ATXN1: variants seen among roughly 807,000 people sequenced by gnomAD.
The protein encoded by ATXN1 is ataxin 1.
A neutral mutation model predicts 56.4 loss-of-function variants in ATXN1; 8 were observed. The observed-to-expected ratio is 0.14, with a 90% confidence interval of 0.08 to 0.26. ATXN1 has a LOEUF of 0.26. ATXN1 is among the 10% of genes least tolerant of loss of function. ATXN1 has a pLI of 1.00. For missense variants in ATXN1, 987 were observed against 1,106.5 expected (o/e 0.89, Z 1.53); for synonymous variants, 514 against 494.6 (o/e 1.04, Z -0.52).
At chr6:16,543,327 G>A (rs1192090450) in intron 4 of ATXN1, among the ~76,000 whole-genome samples, 2 of 152,142 alleles carry the variant, frequency 1.3e-5, no homozygotes, top group Non-Finnish European at 2.9e-5. Context: ...AAAACTGATA[G>A]AAGTTTACAG....
At chr6:16,626,401 C>A (rs1487500303) in intron 3 of ATXN1, among the ~76,000 whole-genome samples, 1 of 152,154 alleles carries the variant, frequency 6.6e-6, no homozygotes, top group South Asian at 2.1e-4. Context: ...AAGTGATTCT[C>A]CTGCCTCAGC....
At position 16,326,588 on chromosome 6, in the gene ATXN1, T is replaced by C; in HGVS notation, c.1723A>G (p.Met575Val). Residue 575 changes from methionine to valine, a missense_variant, in exon 7 of 8, where the codon ATG (methionine) becomes GTG (valine). By Grantham distance (21) the Met-to-Val change is conservative. Transcript: ENST00000436367. The surrounding 1 kb of genome is among the most constrained non-coding windows in gnomAD (Gnocchi z 6.6). ...GCCAACTGGATGATGGAGCCTTTCA[T>C]GAAGTAGGGAGGCAGCGTAGGGGGA... ...AAPPTLPPYF[M>V]KGSIIQLANG... The C allele has an allele frequency of 1.9e-6, 3 of 1,614,102 alleles. No homozygotes were observed. The highest frequency in any genetic ancestry group is 1.3e-5 in the African/African-American group (1 of 75,032).
At chr6:16,309,329 T>A (rs1398023393) in intron 7 of ATXN1, among the ~76,000 whole-genome samples, 1 of 151,796 alleles carries the variant, frequency 6.6e-6, no homozygotes, top group East Asian at 1.9e-4. Context: ...AAATCAAGAA[T>A]GCAATGAGCT....
rs369252780 is a variant in ATXN1, at chr6:16,306,839, T to A, written c.1938A>T (p.Val646=). The change falls in exon 8 of 8, where the codon GTA becomes GTT. Residue 646 remains valine, a synonymous_variant. Coordinates refer to ENST00000436367, the MANE Select transcript of ATXN1 (RefSeq NM_001128164.2). The surrounding 1 kb of genome is among the most constrained non-coding windows in gnomAD (Gnocchi z 5.2). The part of the protein sequence containing the change: ...HRAQVSVEVL[V]EYPFFVFGQG... ...GTCCAAACACAAAAAAAGGATACTC[T>A]ACCAAAACTTCAACGCTGACCTGTG... 6.2e-7 allele frequency: 1 copy of A among 1,609,620 alleles called. No homozygotes were observed.
At chr6:16,368,343 CTTTTTTTTTTT>C (rs10527935) in intron 6 of ATXN1, among the ~76,000 whole-genome samples, 2 of 75,872 alleles carry the variant, frequency 2.6e-5, no homozygotes, top group African/African-American at 3.9e-5. Flanking sequence ...ACTTCTTCTT[CTTTTTTTTTTT>C]TTTTTTTTTT....
At chr6:16,449,046 T>C (rs1057145401) in intron 6 of ATXN1, among the ~76,000 whole-genome samples, 2 of 152,092 alleles carry the variant, frequency 1.3e-5, no homozygotes, top group South Asian at 2.1e-4. Context: ...GGCCAGACCA[T>C]ACTGCCAGGC....
intron 1 of ATXN1, among the ~76,000 whole-genome samples, chr6:16,755,267 G>C (rs1760852661): frequency 6.6e-6 from 1 of 152,164 alleles, no homozygotes; most frequent in Non-Finnish European, 1.5e-5. Context: ...AATACAGAGA[G>C]TTTACATAAC....
At chr6:16,528,300 CAAAA>C (rs375416081) in intron 4 of ATXN1, among the ~76,000 whole-genome samples, 6 of 74,438 alleles carry the variant, frequency 8.1e-5, no homozygotes, top group Admixed American at 1.5e-4. Flanking sequence ...GACTCCCTCT[CAAAA>C]AAAAAAAAAA....
At position 16,405,725 on chromosome 6, in the gene ATXN1, T is replaced by C. The variant is rs374526341; in HGVS notation, c.-160-77255A>G. Among the ~76,000 whole-genome samples, 110 of 152,316 alleles carry C rather than the reference T, an allele frequency of 7.2e-4. 1 individual carries two copies. The highest frequency in any genetic ancestry group is 3.4e-3 in the Middle Eastern group (1 of 294). ...CAACTCCTGCCTTTGACTCTTATCATAGACTGCTTGCAGCTCATCCTGTCC... is the reference window on the plus strand; with the variant it reads ...CAACTCCTGCCTTTGACTCTTATCACAGACTGCTTGCAGCTCATCCTGTCC... On this transcript the variant is annotated intron_variant, in intron 6 of 7. Coordinates refer to ENST00000436367, the MANE Select transcript of ATXN1 (RefSeq NM_001128164.2).
intron 2 of ATXN1, among the ~76,000 whole-genome samples, chr6:16,745,936 G>A (rs199796847): frequency 0.14 from 6,127 of 44,218 alleles, 174 homozygotes; most frequent in East Asian, 0.49. Flanking sequence ...TGCCTTCCGT[G>A]TGTGTGTGTG....
At chr6:16,635,827 G>A (rs1054319486) in intron 3 of ATXN1, among the ~76,000 whole-genome samples, 8 of 151,974 alleles carry the variant, frequency 5.3e-5, no homozygotes, top group African/African-American at 1.2e-4. Flanking sequence ...GGTGTGGGCT[G>A]GGGAGGCAGG....
At chr6:16,488,096 A>C (rs1016855300) in intron 5 of ATXN1, among the ~76,000 whole-genome samples, 4 of 152,136 alleles carry the variant, frequency 2.6e-5, no homozygotes, top group African/African-American at 9.7e-5. Flanking sequence ...AGCAACACAC[A>C]CCTTCTCTGT....
At chr6:16,643,554 C>A (rs112627471) in intron 3 of ATXN1, among the ~76,000 whole-genome samples, 5,432 of 139,492 alleles carry the variant, frequency 0.039, 236 homozygotes, top group African/African-American at 0.11. Flanking sequence ...ACTTGAGGCC[C>A]GGAGGTCGAG....
chr6:16,426,417 G>C (rs1006283689), intron 6 of ATXN1, among the ~76,000 whole-genome samples: 1 of 152,092 alleles, frequency 6.6e-6, no homozygotes, highest in Non-Finnish European at 1.5e-5. Flanking sequence ...ATGTTGATTG[G>C]ACCAATTTTC....
intron 4 of ATXN1, among the ~76,000 whole-genome samples, chr6:16,580,398 G>GT (rs1313821032): frequency 6.6e-6 from 1 of 152,196 alleles, no homozygotes; most frequent in African/African-American, 2.4e-5. Context: ...CTGTATGAAA[G>GT]TTGGATTTCT....
chr6:16,386,569 G>C (rs1758244514), intron 6 of ATXN1, among the ~76,000 whole-genome samples: 1 of 152,058 alleles, frequency 6.6e-6, no homozygotes, highest in Non-Finnish European at 1.5e-5. Context: ...CCTCTAGAAA[G>C]TCAGGAGAGC....
chr6:16,390,831 A>G (rs1758339195), intron 6 of ATXN1, among the ~76,000 whole-genome samples: 1 of 152,092 alleles, frequency 6.6e-6, no homozygotes, highest in African/African-American at 2.4e-5. Flanking sequence ...CGTCAGTAAC[A>G]GGTCCTGTCA....
At chr6:16,681,404 G>C (rs1758809608) in intron 2 of ATXN1, among the ~76,000 whole-genome samples, 1 of 152,232 alleles carries the variant, frequency 6.6e-6, no homozygotes, top group Non-Finnish European at 1.5e-5. Flanking sequence ...AGCTGTTACT[G>C]TCAGTAGTAT....
chr6:16,580,204 G>C (rs1434258590), intron 4 of ATXN1, among the ~76,000 whole-genome samples: 1 of 152,196 alleles, frequency 6.6e-6, no homozygotes, highest in African/African-American at 2.4e-5. Context: ...TCTTGAGTTA[G>C]GGAGAAAGGG....
Sources: allele counts gnomAD v4.1 joint callset (sites outside exome capture counted in the v4.1 genomes callset), GRCh38; gene constraint gnomAD v4.1.1; non-coding constraint Gnocchi (gnomAD v3.1); transcripts MANE v1.5; gene names NCBI Gene and HGNC (gene_info 2026-07-23, HGNC 2026-07-21).